Variants in NTM observed in about 807,000 individuals in gnomAD.
NTM encodes IgLON family member 2.
Under a neutral mutation model 42.1 loss-of-function variants are expected in NTM, and 13 were observed. That is an observed-to-expected ratio of 0.31 (90% CI 0.20 to 0.49). The LOEUF (loss-of-function observed/expected upper bound fraction) is 0.49, where lower values mean the gene tolerates loss of function less well. Ranked by LOEUF, NTM falls within the 20% of genes least tolerant of loss-of-function variation. NTM has a pLI of 0.99. For synonymous variants in NTM, 187 were observed against 179.2 expected (o/e 1.04, Z -0.35); for missense variants, 373 against 452.8 (o/e 0.82, Z 1.60).
intron 1 of NTM, among the ~76,000 whole-genome samples, chr11:131,757,875 A>C (rs370078210): frequency 3.3e-5 from 5 of 152,368 alleles, no homozygotes; most frequent in African/African-American, 1.2e-4. Context: ...TAGAATGCAA[A>C]GAACGTTTTA....
intron 2 of NTM, among the ~76,000 whole-genome samples, chr11:131,992,189 T>G (rs1334378365): frequency 6.6e-6 from 1 of 152,120 alleles, no homozygotes; most frequent in Non-Finnish European, 1.5e-5. Context: ...ATGAAGAGTT[T>G]TATGATGATT....
chr11:132,277,697 C>T (rs868138976), intron 4 of NTM, among the ~76,000 whole-genome samples: 2 of 151,970 alleles, frequency 1.3e-5, no homozygotes, highest in Non-Finnish European at 2.9e-5. Flanking sequence ...TGAAATATGT[C>T]TAGGGAAAAT....
At chr11:131,839,345 T>A (rs528856571) in intron 1 of NTM, among the ~76,000 whole-genome samples, 2 of 152,306 alleles carry the variant, frequency 1.3e-5, no homozygotes, top group East Asian at 3.9e-4. Context: ...CAGGGCAGGT[T>A]GCAATATTAA....
intron 1 of NTM, among the ~76,000 whole-genome samples, chr11:131,786,088 T>A (rs766527925): frequency 6.6e-6 from 1 of 152,176 alleles, no homozygotes; most frequent in Non-Finnish European, 1.5e-5. Context: ...GAGCCAGCAT[T>A]TTCTTCGGGG....
chr11:132,230,163 TCTC>T lies in NTM; in HGVS notation c.526+18017_526+18019del, dbSNP rs201260051. Reference sequence around the variant, plus strand: ...CTGAGCCCTGAGAGTCGATGTATCTTCTCATTTGAGTACAAAGGGATTGATTGG... The same window carrying T: ...CTGAGCCCTGAGAGTCGATGTATCTTATTTGAGTACAAAGGGATTGATTGG... On this transcript the variant is annotated intron_variant, in intron 4 of 8. Transcript: ENST00000683400. Among the ~76,000 whole-genome samples, 1,423 of 152,338 alleles carry T rather than the reference TCTC, an allele frequency of 9.3e-3. 12 individuals are homozygous for T. Among genetic ancestry groups the T allele is most frequent in the Middle Eastern group, 0.031 (9 of 292 alleles).
At chr11:132,174,157 T>C (rs2076473113) in intron 3 of NTM, among the ~76,000 whole-genome samples, 1 of 152,196 alleles carries the variant, frequency 6.6e-6, no homozygotes, top group Non-Finnish European at 1.5e-5. Context: ...CAACACTGTT[T>C]ATTAGCAAAA....
At chr11:132,331,707 G>T (rs1221560230) in intron 8 of NTM, among the ~76,000 whole-genome samples, 1 of 152,186 alleles carries the variant, frequency 6.6e-6, no homozygotes, top group Non-Finnish European at 1.5e-5. Flanking sequence ...GACACAGGGT[G>T]GTAAGTATTT....
chr11:131,454,931 A>G (rs1950758071), intron 1 of NTM, among the ~76,000 whole-genome samples: 1 of 152,120 alleles, frequency 6.6e-6, no homozygotes. Flanking sequence ...AAAGATAAAC[A>G]CACAGAGGAG....
chr11:132,030,434 G>A (rs987810117), intron 2 of NTM, among the ~76,000 whole-genome samples: 2 of 152,128 alleles, frequency 1.3e-5, no homozygotes, highest in African/African-American at 4.8e-5. Flanking sequence ...CAGACTTTAT[G>A]CATGAAAATC....
chr11:132,076,111 A>G (rs2058330044), intron 2 of NTM, among the ~76,000 whole-genome samples: 2 of 152,322 alleles, frequency 1.3e-5, no homozygotes, highest in African/African-American at 4.8e-5. Context: ...CTGTCTTCCA[A>G]CTGTAACCTG....
In NTM at chr11:131,789,617, A is replaced by AAGAAGAAGG. The variant is rs1565552760; in HGVS notation, c.83-121939_83-121938insGAGAAGAAG. 1.7e-4 allele frequency among the ~76,000 whole-genome samples: 14 copies of AAGAAGAAGG among 83,066 alleles called. 1 individual carries two copies. Among genetic ancestry groups the AAGAAGAAGG allele is most frequent in the Admixed American group, 2.7e-4 (2 of 7,474 alleles). The allele number at this position is 83,066 out of a possible 152,430, so 54.5% of individuals were successfully genotyped here. On this transcript the variant is annotated intron_variant, in intron 1 of 8. Transcript: ENST00000683400. ...GAAGAAGAAGAAGAAGAAGAAGAAG[A>AAGAAGAAGG]AGAAGAAGAAGAAGAAGAAAAGAAG...
intron 2 of NTM, among the ~76,000 whole-genome samples, chr11:132,078,146 T>G (rs2058598816): frequency 6.6e-6 from 1 of 152,316 alleles, no homozygotes; most frequent in Non-Finnish European, 1.5e-5. Flanking sequence ...AATGGACACA[T>G]CAGGTCTAAC....
chr11:131,984,562 G>A (rs2065772156), intron 2 of NTM: 1 of 152,214 alleles, frequency 6.6e-6, no homozygotes, highest in South Asian at 2.1e-4. Context: ...CACATCTGAA[G>A]TGGTCATTGT....
intron 2 of NTM, among the ~76,000 whole-genome samples, chr11:131,964,220 G>A (rs1243388402): frequency 3.3e-5 from 5 of 152,238 alleles, no homozygotes; most frequent in Admixed American, 1.3e-4. Flanking sequence ...GAGGCCCAGG[G>A]GTTGGTTGGG....
At position 132,089,372 on chromosome 11, in the gene NTM, C is replaced by A. The variant is rs529375810; in HGVS notation, c.168-56910C>A. 3.3e-5 allele frequency among the ~76,000 whole-genome samples: 5 copies of A among 152,288 alleles called. No homozygotes were observed. The South Asian group carries it at 1.0e-3, about 32-fold the overall frequency. On this transcript the variant is annotated intron_variant, in intron 2 of 8. Transcript: ENST00000683400. ...CTTCAGGATCTTGCTCCCACTTGTT[C>A]AAAACTTCCATTGAAAGCTCTGCTT... is the stretch of plus-strand genomic sequence containing the variant.
intron 2 of NTM, among the ~76,000 whole-genome samples, chr11:132,028,158 T>C (rs1344974216): frequency 2.0e-5 from 3 of 152,084 alleles, no homozygotes; most frequent in Non-Finnish European, 4.4e-5. Context: ...ATATTATTCA[T>C]AGTTACTTTA....
chr11:132,142,878 C>G (rs886553214), intron 2 of NTM, among the ~76,000 whole-genome samples: 1 of 152,152 alleles, frequency 6.6e-6, no homozygotes, highest in East Asian at 1.9e-4. Flanking sequence ...CCGTTTCTGT[C>G]AATTTTCAAT....
chr11:132,254,795 CT>C (rs1275083714), intron 4 of NTM, among the ~76,000 whole-genome samples: 2 of 152,132 alleles, frequency 1.3e-5, no homozygotes, highest in Non-Finnish European at 2.9e-5. Context: ...CCTGTTGCCC[CT>C]GCTGGGATTC....
intron 2 of NTM, among the ~76,000 whole-genome samples, chr11:132,141,449 AG>A: frequency 6.6e-6 from 1 of 152,210 alleles, no homozygotes; most frequent in Admixed American, 6.5e-5. Flanking sequence ...ACTATTCATC[AG>A]AGAGATATTC....
Sources: allele counts gnomAD v4.1 joint callset (sites outside exome capture counted in the v4.1 genomes callset), GRCh38; gene constraint gnomAD v4.1.1; transcripts MANE v1.5; gene names NCBI Gene and HGNC (gene_info 2026-07-23, HGNC 2026-07-21).